Variants in RANBP1 observed in about 807,000 individuals in gnomAD.
RANBP1 encodes ran-specific GTPase-activating protein.
Under a neutral mutation model 31.4 loss-of-function variants are expected in RANBP1, and 16 were observed. The ratio of observed to expected loss-of-function variants is 0.51; its 90% CI spans 0.34 to 0.77. The LOEUF is 0.77. Ranked by LOEUF, RANBP1 falls within the 30% of genes least tolerant of loss-of-function variation. The probability of loss-of-function intolerance (pLI) is 0.01; values close to 1 mark genes in which losing one functional copy is unlikely to be tolerated. For synonymous variants in RANBP1, 129 were observed against 140.5 expected (o/e 0.92, Z 0.58); for missense variants, 265 against 362.0 (o/e 0.73, Z 2.17).
intron 1 of RANBP1, chr22:20,117,949 C>T (rs935237114): frequency 1.3e-5 from 13 of 1,007,816 alleles, no homozygotes; most frequent in Non-Finnish European, 1.5e-5. Context: ...GCGGGACGGC[C>T]CCAGCCTCCA....
rs544750639 is a variant in RANBP1 at position 20,127,204 on chromosome 22, T to G, written c.*152T>G. 1.8e-5 allele frequency: 11 copies of G among 602,848 alleles called. No homozygotes were observed. The highest frequency in any genetic ancestry group is 1.1e-4 in the Admixed American group (3 of 26,952). The allele number at this position is 602,848 out of a possible 1,614,324, so 37.3% of individuals were successfully genotyped here. A position where few individuals can be genotyped will look rare whatever the true frequency, so the allele number is the denominator to read the frequency against. ...CTCAACATTCAGGTTGTTTTTTTTT[T>G]TTGTTTCTAAGTTTTTGCCCTATTG... On this transcript the variant is annotated 3_prime_UTR_variant, in exon 6 of 6. Coordinates refer to ENST00000430524, the MANE Select transcript of RANBP1 (RefSeq NM_001278639.2).
intron 1 of RANBP1, chr22:20,116,632 G>A (rs773798994): frequency 6.6e-7 from 1 of 1,523,876 alleles, no homozygotes; most frequent in South Asian, 1.3e-5. Flanking sequence ...GACAGATGGG[G>A]TGCTAGGGTG....
At chr22:20,116,675 C>T (rs761168768) in intron 1 of RANBP1, 26 of 1,497,836 alleles carry the variant, frequency 1.7e-5, no homozygotes, top group Non-Finnish European at 2.2e-5. Context: ...GCCCCCCAAG[C>T]TTCCTTATGG....
At chr22:20,121,028 A>G (rs61127939) in intron 2 of RANBP1, among the ~76,000 whole-genome samples, 4,370 of 152,024 alleles carry the variant, frequency 0.029, 197 homozygotes, top group African/African-American at 0.099. Context: ...ATCTTGGCTC[A>G]CTGCAACCTC....
intron 2 of RANBP1, among the ~76,000 whole-genome samples, chr22:20,121,594 G>C (rs1445730610): frequency 1.3e-5 from 2 of 152,088 alleles, no homozygotes; most frequent in African/African-American, 4.8e-5. Context: ...ACCCAGGCTG[G>C]AGTGCAGCAG....
At chr22:20,119,397 G>A (rs1465614458) in intron 2 of RANBP1, 12 of 467,792 alleles carry the variant, frequency 2.6e-5, no homozygotes, top group African/African-American at 1.2e-4. Flanking sequence ...CTGGCATGGC[G>A]GCCCCACTGC....
chr22:20,124,186 C>G (rs1167807645), intron 3 of RANBP1: 1 of 152,626 alleles, frequency 6.6e-6, no homozygotes, highest in African/African-American at 2.4e-5. Context: ...CTGTGCTGCT[C>G]CCAGAGCCTG....
intron 2 of RANBP1, among the ~76,000 whole-genome samples, chr22:20,121,622 G>A (rs2050173462): frequency 6.6e-6 from 1 of 152,064 alleles, no homozygotes; most frequent in Non-Finnish European, 1.5e-5. Flanking sequence ...ATGGCTCACT[G>A]CAGCCTTGAA....
At chr22:20,122,212 C>G in intron 2 of RANBP1, 52 bp from the exon 3 acceptor site, 9 of 1,590,774 alleles carry the variant, frequency 5.7e-6, no homozygotes, top group Non-Finnish European at 7.7e-6. Flanking sequence ...CTGCGCAGGC[C>G]CTGCATGTGG....
intron 4 of RANBP1, chr22:20,125,709 C>T (rs1480389699): frequency 7.7e-7 from 1 of 1,297,478 alleles, no homozygotes; most frequent in Non-Finnish European, 1.0e-6. Context: ...GGTTTGCTCT[C>T]CAAGCTCCGG....
intron 1 of RANBP1, chr22:20,117,311 G>A: frequency 1.0e-6 from 1 of 982,480 alleles, no homozygotes; most frequent in Non-Finnish European, 1.3e-6. Flanking sequence ...CGCGTGGCCG[G>A]GACGGAAGTG....
chr22:20,118,912 T>G (rs2050113740), intron 1 of RANBP1, 101 bp from the exon 2 acceptor site: 1 of 1,233,048 alleles, frequency 8.1e-7, no homozygotes, highest in Admixed American at 2.3e-5. Context: ...GTATCTGAAG[T>G]CCCTTCATTG....
chr22:20,117,250 T>G, intron 1 of RANBP1: 1 of 552,002 alleles, frequency 1.8e-6, no homozygotes, highest in South Asian at 3.7e-5. Flanking sequence ...GGCAACGTCA[T>G]CGTCACGCGC....
intron 1 of RANBP1, chr22:20,118,454 T>C: frequency 1.3e-6 from 1 of 745,632 alleles, no homozygotes; most frequent in Non-Finnish European, 1.7e-6. Flanking sequence ...AAAAAATTGC[T>C]GGCAGAGCTG....
intron 2 of RANBP1, chr22:20,119,496 T>C: frequency 3.9e-6 from 1 of 253,596 alleles, no homozygotes; most frequent in African/African-American, 2.2e-5. Flanking sequence ...TTCTTTGGCA[T>C]CGTGAAGCTT....
intron 2 of RANBP1, chr22:20,119,415 T>C (rs1337997038): frequency 2.1e-5 from 9 of 433,492 alleles, no homozygotes; most frequent in Non-Finnish European, 3.3e-5. Context: ...TGCCCTTTTT[T>C]GCCACTGGCT....
At chr22:20,117,132 T>C (rs1324448531) in intron 1 of RANBP1, 4 of 584,116 alleles carry the variant, frequency 6.8e-6, no homozygotes, top group Non-Finnish European at 5.6e-6. Flanking sequence ...GGCTTGGGGC[T>C]GTACCGCCCG....
intron 3 of RANBP1, chr22:20,124,478 CG>C (rs2050253717): frequency 6.6e-6 from 1 of 152,352 alleles, no homozygotes. Context: ...CAGATAGTGA[CG>C]TGTAGGGGTA....
intron 1 of RANBP1, chr22:20,117,752 C>T (rs2050072100): frequency 1.9e-6 from 2 of 1,077,250 alleles, no homozygotes; most frequent in Admixed American, 5.3e-5. Flanking sequence ...GCCGCCGCCA[C>T]CAACCTCCGC....
Sources: allele counts gnomAD v4.1 joint callset (sites outside exome capture counted in the v4.1 genomes callset), GRCh38; gene constraint gnomAD v4.1.1; transcripts MANE v1.5; gene names NCBI Gene and HGNC (gene_info 2026-07-23, HGNC 2026-07-21).